GID8: variants seen among roughly 807,000 people sequenced by gnomAD.
GID8 encodes GID complex subunit 8 homolog.
In GID8, 6 loss-of-function variants were observed where a neutral mutation model predicts 27.4. The ratio of observed to expected loss-of-function variants is 0.22; its 90% CI spans 0.12 to 0.43. The LOEUF (loss-of-function observed/expected upper bound fraction) is 0.43. Among genes scored for constraint, GID8 ranks in the 20% least tolerant of loss-of-function variants. GID8 has a pLI of 1.00. For synonymous variants in GID8, 112 were observed against 109.0 expected (o/e 1.03, Z -0.17); for missense variants, 173 against 287.6 (o/e 0.60, Z 2.88).
In GID8 at chr20:62,941,599, A is replaced by C; in HGVS notation, c.97A>C (p.Ile33Leu). The C allele has an allele frequency of 2.5e-6, 4 of 1,589,196 alleles. No homozygotes were observed. The highest frequency in any genetic ancestry group is 1.1e-5 in the South Asian group (1 of 90,608). The change falls in exon 2 of 5, where the codon ATC (isoleucine) becomes CTC (leucine). Residue 33 changes from isoleucine to leucine, a missense_variant. Ile to Leu is a conservative substitution (Grantham distance 5). Coordinates refer to ENST00000266069, the MANE Select transcript of GID8 (RefSeq NM_017896.3). ...CCAGAGAGCAGACATGAACCGCCTC[A>C]TCATGAACTACCTGGTCACAGGTAA... ...HVQRADMNRL[I>L]MNYLVTEGFK...
rs1227620632 is a variant in GID8 at position 62,943,737 on chromosome 20, C to G, written c.513+45C>G. 3.2e-5 allele frequency: 47 copies of G among 1,464,896 alleles called. No homozygotes were observed. In the Admixed American group the frequency reaches 8.0e-4, roughly 25 times the overall value. 90.7% of individuals were successfully genotyped at this position (1,464,896 alleles called of 1,614,324 possible). A position where few individuals can be genotyped will look rare whatever the true frequency, so the allele number is the denominator to read the frequency against. ...AGCTTTCTTCCATTCCCCATGTGCT[C>G]TGAGGGGGCTTCGTGACAACGCCAA... On this transcript the variant is annotated intron_variant, in intron 4 of 4. Coordinates refer to ENST00000266069, the MANE Select transcript of GID8 (RefSeq NM_017896.3). The surrounding 1 kb of genome is among the most constrained non-coding windows in gnomAD (Gnocchi z 4.7).
Position 62,943,365 on chromosome 20 carries a change from A to G in GID8, c.316-130A>G. Reference sequence around the variant, plus strand: ...AGCGGTTTTTTGTTTTAAAAATGCAAATTTGATAACTCAGAGATGCAAGAA... The same window carrying G: ...AGCGGTTTTTTGTTTTAAAAATGCAGATTTGATAACTCAGAGATGCAAGAA... On this transcript the variant is annotated intron_variant, in intron 3 of 4. Transcript: ENST00000266069. The surrounding 1 kb of genome is among the most constrained non-coding windows in gnomAD (Gnocchi z 4.7). 9.6e-7 allele frequency: 1 copy of G among 1,037,484 alleles called. No homozygotes were observed. The highest frequency in any genetic ancestry group is 1.4e-6 in the Non-Finnish European group (1 of 706,282). 64.3% of individuals were successfully genotyped at this position (1,037,484 alleles called of 1,614,324 possible).
At chr20:62,939,402 A>G (rs1386636222) in intron 1 of GID8, among the ~76,000 whole-genome samples, 1 of 151,948 alleles carries the variant, frequency 6.6e-6, no homozygotes, top group Non-Finnish European at 1.5e-5. Context: ...GGCTTTAAAT[A>G]TCCCTGTGCC....
chr20:62,944,909 G>A lies in GID8; in HGVS notation c.684G>A (p.Lys228=). The change falls in exon 5 of 5, where the codon AAG becomes AAA. Residue 228 remains lysine, a synonymous_variant. Transcript: ENST00000266069. ...GCAAGGGTGTGATTGAGGAGCCCAA[G>A]TAGCGCCTGCGCTTGCGTGGTGGAT... is the stretch of plus-strand genomic sequence containing the variant. ...DLSKGVIEEP[K] 6.2e-7 allele frequency: 1 copy of A among 1,611,092 alleles called. No homozygotes were observed. Among genetic ancestry groups the A allele is most frequent in the East Asian group, 2.2e-5 (1 of 44,656 alleles).
Position 62,945,193 on chromosome 20 carries a change from C to G in GID8, c.*281C>G. ...GGTTTGCTCTTCCAGTGTTCGGGGG[C>G]CTCTGGCTGCTGAAGGATTCGGTCT... On this transcript the variant is annotated 3_prime_UTR_variant, in exon 5 of 5. Coordinates refer to ENST00000266069, the MANE Select transcript of GID8 (RefSeq NM_017896.3). 1 of 1,184,856 alleles carries G rather than the reference C, an allele frequency of 8.4e-7. No homozygotes were observed. The highest frequency in any genetic ancestry group is 1.1e-6 in the Non-Finnish European group (1 of 951,372). The allele number at this position is 1,184,856 out of a possible 1,614,324, so 73.4% of individuals were successfully genotyped here.
At chr20:62,942,942 T>C in intron 2 of GID8, 45 bp from the exon 3 acceptor site, 1 of 1,474,684 alleles carries the variant, frequency 6.8e-7, no homozygotes, top group Non-Finnish European at 9.4e-7. Context: ...TTTGCCTTAA[T>C]TCCTTGCTAA....
chr20:62,944,702 T>C, intron 4 of GID8, 37 bp from the exon 5 acceptor site: 1 of 1,404,950 alleles, frequency 7.1e-7, no homozygotes, highest in Non-Finnish European at 1.0e-6. Flanking sequence ...GTGCTCTGCG[T>C]GTATGGTGGT....
chr20:62,944,133 T>G (rs953949434), intron 4 of GID8, among the ~76,000 whole-genome samples: 3 of 152,242 alleles, frequency 2.0e-5, no homozygotes, highest in Admixed American at 1.3e-4. Flanking sequence ...AGCCTCTCTC[T>G]GGCTTTTAAT....
At chr20:62,942,952 A>G (rs1173318251) in intron 2 of GID8, 35 bp from the exon 3 acceptor site, 3 of 1,537,606 alleles carry the variant, frequency 2.0e-6, no homozygotes, top group Non-Finnish European at 2.7e-6. Flanking sequence ...TTCCTTGCTA[A>G]CTTTCCTAGC....
intron 1 of GID8, among the ~76,000 whole-genome samples, chr20:62,940,369 A>G (rs6062380): frequency 0.38 from 49,730 of 129,734 alleles, 11,311 homozygotes; most frequent in Non-Finnish European, 0.5. Context: ...TTTTTTTTTG[A>G]GACGGAGTCT....
chr20:62,947,430 T>C lies in GID8; in HGVS notation c.*2518T>C, dbSNP rs2065471180. 1 of 152,576 alleles carries C rather than the reference T, an allele frequency of 6.6e-6. No individual in the cohort carries two copies. Among genetic ancestry groups the C allele is most frequent in the African/African-American group, 2.4e-5 (1 of 41,468 alleles). The allele number at this position is 152,576 out of a possible 1,614,324, so 9.5% of individuals were successfully genotyped here. On this transcript the variant is annotated 3_prime_UTR_variant, in exon 5 of 5. Coordinates refer to ENST00000266069, the MANE Select transcript of GID8 (RefSeq NM_017896.3). ...TTCAGTATAATTCTACTTTGTCTCA[T>C]TTTGGATCTCACTGTTGTCTTTATA...
chr20:62,939,609 G>A (rs151126389), intron 1 of GID8, among the ~76,000 whole-genome samples: 1 of 152,214 alleles, frequency 6.6e-6, no homozygotes, highest in East Asian at 1.9e-4. Context: ...GGCCTCTCAT[G>A]CTTGAAACCT....
Position 62,947,436 on chromosome 20 carries a change from A to T in GID8, c.*2524A>T, listed in dbSNP as rs2065471191. The stretch of plus-strand genomic sequence containing the variant: ...ATAATTCTACTTTGTCTCATTTTGG[A>T]TCTCACTGTTGTCTTTATAAAAATG... On this transcript the variant is annotated 3_prime_UTR_variant, in exon 5 of 5. Coordinates refer to ENST00000266069, the MANE Select transcript of GID8 (RefSeq NM_017896.3). The T allele has an allele frequency of 6.6e-6, 1 of 152,532 alleles. No individual in the cohort carries two copies. Among genetic ancestry groups the T allele is most frequent in the Non-Finnish European group, 1.5e-5 (1 of 68,036 alleles). 9.4% of individuals were successfully genotyped at this position (152,532 alleles called of 1,614,324 possible).
intron 2 of GID8, 39 bp from the exon 3 acceptor site, chr20:62,942,948 G>A: frequency 2.6e-6 from 4 of 1,517,088 alleles, no homozygotes; most frequent in Non-Finnish European, 3.6e-6. Context: ...TTAATTCCTT[G>A]CTAACTTTCC....
chr20:62,944,796 A>G lies in GID8; in HGVS notation c.571A>G (p.Lys191Glu). Residue 191 changes from lysine to glutamate, a missense_variant, in exon 5 of 5, where the codon AAA becomes GAA. Lys to Glu is a moderately conservative substitution (Grantham distance 56). Transcript: ENST00000266069. Reference sequence around the variant, plus strand: ...TTATGAAAATCGCGAGTCAACACCCAAACTGGCAAAATTACTGAAACTACT... The same window carrying G: ...TTATGAAAATCGCGAGTCAACACCCGAACTGGCAAAATTACTGAAACTACT... ...LDYENRESTP[K>E]LAKLLKLLLW... The G allele has an allele frequency of 6.2e-7, 1 of 1,614,228 alleles. No homozygotes were observed. Among genetic ancestry groups the G allele is most frequent in the Non-Finnish European group, 8.5e-7 (1 of 1,180,040 alleles).
In GID8 at chr20:62,947,164, T is replaced by A. The variant is rs1197717472; in HGVS notation, c.*2252T>A. On this transcript the variant is annotated 3_prime_UTR_variant, in exon 5 of 5. Transcript: ENST00000266069. ...TGGGAAGTCTCCAGCGTTACTGCTC[T>A]CCTTCCCTTCATGATAAGCCAGTGC... 6.6e-6 allele frequency: 1 copy of A among 151,770 alleles called. No individual in the cohort carries two copies. The highest frequency in any genetic ancestry group is 1.5e-5 in the Non-Finnish European group (1 of 67,908). 9.4% of individuals were successfully genotyped at this position (151,770 alleles called of 1,614,324 possible).
Position 62,945,203 on chromosome 20 carries a change from C to T in GID8, c.*291C>T. 8.5e-7 allele frequency: 1 copy of T among 1,170,826 alleles called. No homozygotes were observed. Among genetic ancestry groups the T allele is most frequent in the Non-Finnish European group, 1.1e-6 (1 of 942,610 alleles). The allele number at this position is 1,170,826 out of a possible 1,614,324, so 72.5% of individuals were successfully genotyped here. A position where few individuals can be genotyped will look rare whatever the true frequency, so the allele number is the denominator to read the frequency against. ...TCCAGTGTTCGGGGGCCTCTGGCTGCTGAAGGATTCGGTCTACCACGGAGG... is the reference window on the plus strand; with the variant it reads ...TCCAGTGTTCGGGGGCCTCTGGCTGTTGAAGGATTCGGTCTACCACGGAGG... On this transcript the variant is annotated 3_prime_UTR_variant, in exon 5 of 5. Coordinates refer to ENST00000266069, the MANE Select transcript of GID8 (RefSeq NM_017896.3).
intron 1 of GID8, chr20:62,938,646 C>G (rs990816936): frequency 3.3e-5 from 5 of 152,276 alleles, no homozygotes; most frequent in African/African-American, 7.2e-5. Context: ...AAGTAGGAGT[C>G]TTCAGCACAC....
intron 2 of GID8, 101 bp downstream of exon 2, chr20:62,941,721 G>T: frequency 1.3e-6 from 1 of 751,980 alleles, no homozygotes. Flanking sequence ...GTAGTTATTT[G>T]TGTTCAGACA....
Sources: allele counts gnomAD v4.1 joint callset (sites outside exome capture counted in the v4.1 genomes callset), GRCh38; gene constraint gnomAD v4.1.1; non-coding constraint Gnocchi (gnomAD v3.1); transcripts MANE v1.5; gene names NCBI Gene and HGNC (gene_info 2026-07-23, HGNC 2026-07-21).